Variants in FRY observed in about 807,000 individuals in gnomAD.
FRY encodes the protein protein furry homolog.
In FRY, 128 loss-of-function variants were observed where a neutral mutation model predicts 348.4. The ratio of observed to expected loss-of-function variants is 0.37; its 90% CI spans 0.32 to 0.43. The LOEUF (loss-of-function observed/expected upper bound fraction) is 0.43. Among genes scored for constraint, FRY ranks in the 20% least tolerant of loss-of-function variants. The pLI, the probability that FRY is intolerant of heterozygous loss-of-function variation, is 1.00. For synonymous variants in FRY, 1,370 were observed against 1,374.7 expected (o/e 1.00, Z 0.08); for missense variants, 2,736 against 3,695.2 (o/e 0.74, Z 6.73).
intron 2 of FRY, chr13:32,085,805 A>G (rs184036637): frequency 4.0e-6 from 2 of 505,712 alleles, no homozygotes; most frequent in East Asian, 1.1e-4. Context: ...TCCTGTTGCC[A>G]TTTATCAATA....
At position 32,237,678 on chromosome 13, in the gene FRY, C is replaced by G. The variant is rs772337553; in HGVS notation, c.6110C>G (p.Pro2037Arg). The change falls in exon 44 of 61, where the codon CCC (proline) becomes CGC (arginine). Residue 2037 changes from proline to arginine, a missense_variant. By Grantham distance (103) the Pro-to-Arg change is moderately radical. Transcript: ENST00000542859. This position sits in a 1 kb window ranked among gnomAD's most constrained non-coding sequence, Gnocchi z 6.3. The part of the protein sequence containing the change: ...SLTDPSHINH[P>R]TNLLATIFWV... Reference sequence around the variant, plus strand: ...ACGGACCCATCCCACATAAACCATCCCACCAACCTGCTGGCCACCATATTC... The same window carrying G: ...ACGGACCCATCCCACATAAACCATCGCACCAACCTGCTGGCCACCATATTC... 6.2e-7 allele frequency: 1 copy of G among 1,614,156 alleles called. No individual in the cohort carries two copies. The highest frequency in any genetic ancestry group is 8.5e-7 in the Non-Finnish European group (1 of 1,180,010).
At chr13:32,202,287 T>C in intron 30 of FRY, 69 bp from the exon 31 acceptor site, 1 of 1,219,356 alleles carries the variant, frequency 8.2e-7, no homozygotes, top group East Asian at 2.3e-5. Context: ...CTTTGTTAAA[T>C]ACAAATGCTC....
intron 2 of FRY, among the ~76,000 whole-genome samples, chr13:32,100,778 C>G (rs28648035): frequency 1.3e-5 from 2 of 152,142 alleles, no homozygotes; most frequent in Admixed American, 6.5e-5. Flanking sequence ...GATCAAAGCA[C>G]GGGGATATTT....
intron 4 of FRY, among the ~76,000 whole-genome samples, chr13:32,117,970 GTGAGCAAAACA>G (rs1304287223): frequency 6.6e-6 from 1 of 152,126 alleles, no homozygotes; most frequent in East Asian, 1.9e-4. Context: ...CAGCCTCCTT[GTGAGCAAAACA>G]AGGAAGTTAG....
chr13:32,058,497 A>G (rs1314526696), intron 1 of FRY, among the ~76,000 whole-genome samples: 1 of 152,134 alleles, frequency 6.6e-6, no homozygotes, highest in Admixed American at 6.5e-5. Context: ...TTTGCTTTCT[A>G]AGTTTTATGT....
Position 32,239,014 on chromosome 13 carries a change from G to C in FRY, c.6419-238G>C, listed in dbSNP as rs1419877648. Among the ~76,000 whole-genome samples, 1 of 152,178 alleles carries C rather than the reference G, an allele frequency of 6.6e-6. No homozygotes were observed. Among genetic ancestry groups the C allele is most frequent in the Non-Finnish European group, 1.5e-5 (1 of 68,032 alleles). ...GGGCCAGCCATCCTTATTCACAATA[G>C]TCCAGTGCAAGATAATCACTGCATC... is the stretch of plus-strand genomic sequence containing the variant. On this transcript the variant is annotated intron_variant, in intron 44 of 60. Transcript: ENST00000542859. The surrounding 1 kb of genome is among the most constrained non-coding windows in gnomAD (Gnocchi z 4.3).
chr13:32,199,920 T>A (rs181558450), intron 29 of FRY, among the ~76,000 whole-genome samples: 150 of 152,282 alleles, frequency 9.9e-4, no homozygotes, highest in Non-Finnish European at 1.6e-3. Context: ...AGAAAGCAAT[T>A]TATTCCTTGC....
intron 16 of FRY, 107 bp from the exon 17 acceptor site, chr13:32,161,037 G>A (rs1423775614): frequency 1.3e-5 from 10 of 781,736 alleles, no homozygotes; most frequent in Non-Finnish European, 2.3e-5. Flanking sequence ...ACACCAGGCT[G>A]TGACTCAGAA....
intron 4 of FRY, among the ~76,000 whole-genome samples, chr13:32,122,982 A>G (rs929373222): frequency 6.6e-6 from 1 of 152,174 alleles, no homozygotes; most frequent in African/African-American, 2.4e-5. Flanking sequence ...ATACCTAACC[A>G]AGGAGTCGAA....
At chr13:32,258,680 CT>C (rs1238661855) in intron 51 of FRY, among the ~76,000 whole-genome samples, 4 of 151,636 alleles carry the variant, frequency 2.6e-5, no homozygotes, top group East Asian at 3.9e-4. Flanking sequence ...TCAGTTGAAT[CT>C]TTTTTTCCCC....
In FRY at chr13:32,186,262, C is replaced by T. The variant is rs755981032; in HGVS notation, c.3322C>T (p.His1108Tyr). 1.9e-6 allele frequency: 3 copies of T among 1,611,750 alleles called. No homozygotes were observed. The highest frequency in any genetic ancestry group is 1.1e-5 in the South Asian group (1 of 91,030). Reference sequence around the variant, plus strand: ...TCTAAGTGTGTTTTTCTCCCTAGTTCACCACCGAAGATTTCTCTTCCCCCA... The same window carrying T: ...TCTAAGTGTGTTTTTCTCCCTAGTTTACCACCGAAGATTTCTCTTCCCCCA... Reference protein sequence around the residue: ...VANLIQCVPVHHRRFLFPQQS... With the variant: ...VANLIQCVPVYHRRFLFPQQS... Residue 1108 changes from histidine to tyrosine, a missense_variant and splice_region_variant, in exon 27 of 61, where the codon CAC (histidine) becomes TAC (tyrosine). Physicochemically the swap from His to Tyr is moderately conservative, Grantham distance 83. This residue lies in a region of FRY where 449 missense variants were observed against 576.9 expected (regional missense o/e 0.78). Coordinates refer to ENST00000542859, the MANE Select transcript of FRY (RefSeq NM_023037.3).
At chr13:32,194,052 T>C in intron 28 of FRY, 91 bp from the exon 29 acceptor site, 1 of 1,252,426 alleles carries the variant, frequency 8.0e-7, no homozygotes, top group Non-Finnish European at 1.2e-6. Context: ...TTCATTTTAC[T>C]CAGTTTATAT....
intron 2 of FRY, among the ~76,000 whole-genome samples, chr13:32,089,859 C>A (rs1178631936): frequency 6.6e-6 from 1 of 152,140 alleles, no homozygotes; most frequent in African/African-American, 2.4e-5. Flanking sequence ...GTGAACATTG[C>A]AGCTAAAAGA....
chr13:32,243,418 C>T (rs948341162), intron 46 of FRY, among the ~76,000 whole-genome samples: 7 of 151,742 alleles, frequency 4.6e-5, no homozygotes, highest in Admixed American at 1.3e-4. Flanking sequence ...TAATGTCTAT[C>T]TCTGGTTTGA....
intron 31 of FRY, among the ~76,000 whole-genome samples, chr13:32,207,859 G>A (rs1373865964): frequency 2.6e-5 from 4 of 152,198 alleles, no homozygotes; most frequent in African/African-American, 9.7e-5. Context: ...AAGCGAGATT[G>A]CATTGCCACA....
intron 17 of FRY, among the ~76,000 whole-genome samples, chr13:32,162,013 G>T (rs205011): frequency 0.27 from 41,325 of 151,954 alleles, 6,036 homozygotes; most frequent in Middle Eastern, 0.39. Context: ...TATTAGACAC[G>T]TGGGATGTGT....
At chr13:32,074,383 A>C (rs894476124) in intron 1 of FRY, among the ~76,000 whole-genome samples, 1 of 152,194 alleles carries the variant, frequency 6.6e-6, no homozygotes, top group Non-Finnish European at 1.5e-5. Flanking sequence ...TAAAGAGAAG[A>C]CAAATTTCAA....
intron 47 of FRY, 118 bp from the exon 48 acceptor site, chr13:32,247,205 C>T (rs558701871): frequency 6.5e-5 from 50 of 775,132 alleles, no homozygotes; most frequent in African/African-American, 2.1e-4. Context: ...GAACCTGCTG[C>T]GCTGTTTTAA....
chr13:32,062,090 T>A (rs568636105), intron 1 of FRY, among the ~76,000 whole-genome samples: 1 of 152,136 alleles, frequency 6.6e-6, no homozygotes, highest in African/African-American at 2.4e-5. Context: ...ATGATAGCCT[T>A]CTGTTTCTAG....
Sources: allele counts gnomAD v4.1 joint callset (sites outside exome capture counted in the v4.1 genomes callset), GRCh38; gene constraint gnomAD v4.1.1; regional missense constraint gnomAD v4.1.1; non-coding constraint Gnocchi (gnomAD v3.1); transcripts MANE v1.5; gene names NCBI Gene and HGNC (gene_info 2026-07-23, HGNC 2026-07-21).